AIM2: variants seen among roughly 807,000 people sequenced by gnomAD.
AIM2 encodes interferon-inducible protein AIM2.
A neutral mutation model predicts 27.7 loss-of-function variants in AIM2; 30 were observed. The ratio of observed to expected loss-of-function variants is 1.08; its 90% CI spans 0.81 to 1.47. The LOEUF is 1.47. Among genes scored for constraint, AIM2 ranks in the 40% most tolerant of loss-of-function variants. The pLI, the probability that AIM2 is intolerant of heterozygous loss-of-function variation, is 0.00. For synonymous variants in AIM2, 141 were observed against 145.3 expected (o/e 0.97, Z 0.21); for missense variants, 358 against 411.3 (o/e 0.87, Z 1.12).
chr1:159,118,386 T>C (rs559241865), intron 1 of AIM2, among the ~76,000 whole-genome samples: 70 of 152,292 alleles, frequency 4.6e-4, no homozygotes, highest in African/African-American at 1.5e-3. Context: ...GTACTCCTTA[T>C]GTATTGGGAA....
intron 1 of AIM2, among the ~76,000 whole-genome samples, chr1:159,094,181 G>A (rs1030586474): frequency 3.3e-5 from 5 of 152,114 alleles, no homozygotes; most frequent in African/African-American, 9.7e-5. Context: ...GAGGACAGAC[G>A]GGAACTTCAG....
At position 159,093,379 on chromosome 1, in the gene AIM2, C is replaced by T. The variant is rs560058590; in HGVS notation, c.-15-27050G>A. 9.9e-5 allele frequency among the ~76,000 whole-genome samples: 15 copies of T among 152,282 alleles called. No homozygotes were observed. The South Asian group carries it at 1.5e-3, about 15-fold the overall frequency. ...GAAAAATTGGATTTAATATTTCTTA[C>T]AGATTAACAAATCTTATTCACTGCT... On this transcript the variant is annotated intron_variant, in intron 1 of 2. Transcript: ENST00000368129.
chr1:159,092,124 G>C (rs1394716654), intron 1 of AIM2, among the ~76,000 whole-genome samples: 1 of 152,162 alleles, frequency 6.6e-6, no homozygotes, highest in Non-Finnish European at 1.5e-5. Context: ...CCTGATATTT[G>C]CTGTAGGAAA....
intron 1 of AIM2, among the ~76,000 whole-genome samples, chr1:159,096,637 T>C (rs1657187163): frequency 6.6e-6 from 1 of 152,182 alleles, no homozygotes; most frequent in Non-Finnish European, 1.5e-5. Flanking sequence ...TTGCCATTTC[T>C]TTCCTGAGGT....
chr1:159,107,635 A>C (rs1195470977), intron 1 of AIM2, among the ~76,000 whole-genome samples: 2 of 152,252 alleles, frequency 1.3e-5, no homozygotes, highest in East Asian at 3.8e-4. Context: ...TTCTTTGAAA[A>C]GATAAATAAA....
rs866050462 is a variant in AIM2 at position 159,066,220 on chromosome 1, G to A, written c.506C>T (p.Thr169Ile). ...LKAKKPFTFE[T>I]QEGKQEMFHA... ...AAACATCTCCTGCTTGCCTTCTTGG[G>A]TCTCAAACGTGAAGGGCTTCTTTGC... Residue 169 changes from threonine to isoleucine, a missense_variant, in exon 4 of 6, where the codon ACC (threonine) becomes ATC (isoleucine). Thr to Ile is a moderately conservative substitution (Grantham distance 89). Transcript: ENST00000368130. 2 of 1,614,036 alleles carry A rather than the reference G, an allele frequency of 1.2e-6. No individual in the cohort carries two copies. Among genetic ancestry groups the A allele is most frequent in the Non-Finnish European group, 1.7e-6 (2 of 1,180,038 alleles).
In AIM2 at chr1:159,063,497, T is replaced by G. The variant is rs1655934478; in HGVS notation, c.994A>C (p.Ser332Arg). The G allele has an allele frequency of 2.5e-6, 4 of 1,613,482 alleles. No homozygotes were observed. In the East Asian group the frequency reaches 8.9e-5, roughly 36 times the overall value. Residue 332 changes from serine to arginine, a missense_variant, in exon 5 of 6, where the codon AGC becomes CGC. Coordinates refer to ENST00000368130, the MANE Select transcript of AIM2 (RefSeq NM_004833.3). ...CATGCAGTTCCCACCTTTATGGTGC[T>G]ATGAACTCCAGATGTCAGCTGTAGT... ...EKLQLTSGVH[S>R]TIKVIKAKKK...
chr1:159,080,887 A>C (rs2101999033), upstream of AIM2, among the ~76,000 whole-genome samples: 1 of 152,278 alleles, frequency 6.6e-6, no homozygotes, highest in East Asian at 1.9e-4. Flanking sequence ...ATCTTGGCTC[A>C]CAGTGATTCC....
intron 1 of AIM2, among the ~76,000 whole-genome samples, chr1:159,090,022 G>A (rs919838260): frequency 1.3e-5 from 2 of 152,158 alleles, no homozygotes; most frequent in African/African-American, 4.8e-5. Context: ...GAGAAAGCCT[G>A]AAGCCAAGGA....
chr1:159,095,320 A>G (rs1160293605), intron 1 of AIM2, among the ~76,000 whole-genome samples: 2 of 151,670 alleles, frequency 1.3e-5, no homozygotes, highest in Non-Finnish European at 2.9e-5. Flanking sequence ...CCCGAGGCAG[A>G]AAAAAAAATA....
At chr1:159,128,912 C>T (rs1647797815) in intron 1 of AIM2, among the ~76,000 whole-genome samples, 1 of 152,176 alleles carries the variant, frequency 6.6e-6, no homozygotes, top group Non-Finnish European at 1.5e-5. Flanking sequence ...TGTTACCTCA[C>T]AGAAATTATC....
chr1:159,073,283 T>G lies in AIM2; in HGVS notation c.217A>C (p.Asn73His), dbSNP rs770214338. Residue 73 changes from asparagine to histidine, a missense_variant, in exon 2 of 6, where the codon AAT becomes CAT. Transcript: ENST00000368130. ...MKTIRIFQKL[N>H]YMLLAKRLQE... ...AGACGTTTTGCCAAAAGCATATAAT[T>G]CAACTTCTGAAAAATACGAATGGTC... 6.2e-7 allele frequency: 1 copy of G among 1,614,184 alleles called. No homozygotes were observed. The highest frequency in any genetic ancestry group is 1.7e-5 in the Admixed American group (1 of 60,010).
the AIM2 span, among the ~76,000 whole-genome samples, chr1:159,056,352 T>C: frequency 2.0e-5 from 3 of 152,062 alleles, no homozygotes; most frequent in Non-Finnish European, 4.4e-5. Flanking sequence ...GGAGTTTCTC[T>C]GGGGACCCCT....
At chr1:159,129,418 C>T (rs915671224) in intron 1 of AIM2, among the ~76,000 whole-genome samples, 19 of 152,318 alleles carry the variant, frequency 1.2e-4, no homozygotes, top group African/African-American at 4.6e-4. Flanking sequence ...TATCCACCTT[C>T]TCTTCAGTTA....
chr1:159,111,659 C>T (rs1227409169), intron 1 of AIM2, among the ~76,000 whole-genome samples: 4 of 151,672 alleles, frequency 2.6e-5, no homozygotes, highest in Admixed American at 2.6e-4. Flanking sequence ...TGAAAGCAAA[C>T]ATAGAAAAAA....
intron 1 of AIM2, among the ~76,000 whole-genome samples, chr1:159,095,773 T>TATCATACA (rs1657167209): frequency 6.6e-6 from 1 of 152,170 alleles, no homozygotes; most frequent in Non-Finnish European, 1.5e-5. Flanking sequence ...ATATCATACA[T>TATCATACA]TGTATATTAT....
chr1:159,114,111 C>T (rs892014710), intron 1 of AIM2, among the ~76,000 whole-genome samples: 2 of 152,092 alleles, frequency 1.3e-5, no homozygotes, highest in African/African-American at 4.8e-5. Context: ...CTTTGTTTCC[C>T]AGATTTCAAG....
chr1:159,132,007 G>T (rs369502514), intron 1 of AIM2, among the ~76,000 whole-genome samples: 1 of 151,978 alleles, frequency 6.6e-6, no homozygotes, highest in East Asian at 1.9e-4. Context: ...AATAGTATCT[G>T]AAAAACATGA....
chr1:159,134,157 G>C (rs140327732), intron 1 of AIM2, among the ~76,000 whole-genome samples: 1 of 152,114 alleles, frequency 6.6e-6, no homozygotes, highest in Non-Finnish European at 1.5e-5. Flanking sequence ...AATCCTGCAT[G>C]TTTTAGCTCA....
Sources: gnomAD v4.1 joint callset for allele counts (sites outside exome capture counted in the v4.1 genomes callset) on GRCh38, gnomAD v4.1.1 for gene constraint, MANE v1.5 for transcripts, NCBI Gene and HGNC (gene_info 2026-07-23, HGNC 2026-07-21) for gene names.